CENPC: variants seen among roughly 807,000 people sequenced by gnomAD.
The protein encoded by CENPC is centromere protein C.
A neutral mutation model predicts 112.1 loss-of-function variants in CENPC; 63 were observed. That is an observed-to-expected ratio of 0.56 (90% CI 0.46 to 0.69). CENPC has a LOEUF of 0.69. CENPC is among the 30% of genes least tolerant of loss of function. The pLI is 0.00. For missense variants in CENPC, 1,000 were observed against 1,103.8 expected, an observed-to-expected ratio of 0.91 and a Z score of 1.33; for synonymous variants, 333 against 367.6, an observed-to-expected ratio of 0.91 and a Z score of 1.08.
At chr4:67,536,367 T>C (rs1560444320) in intron 4 of CENPC, among the ~76,000 whole-genome samples, 2 of 152,092 alleles carry the variant, frequency 1.3e-5, no homozygotes, top group African/African-American at 4.8e-5. Context: ...TGATCCAAAT[T>C]TGAAGAAACA....
At chr4:67,480,354 C>T (rs1724919786) in intron 17 of CENPC, among the ~76,000 whole-genome samples, 1 of 152,070 alleles carries the variant, frequency 6.6e-6, no homozygotes, top group African/African-American at 2.4e-5. Flanking sequence ...AAAAAAATTC[C>T]AGGACCAGAT....
chr4:67,510,744 G>A (rs1212408673), intron 9 of CENPC: 36 of 308,072 alleles, frequency 1.2e-4, no homozygotes, highest in South Asian at 7.0e-4. Flanking sequence ...AGTGTCACAC[G>A]TACGACAGGC....
At chr4:67,483,048 T>C (rs1185683807) in intron 17 of CENPC, among the ~76,000 whole-genome samples, 2 of 152,142 alleles carry the variant, frequency 1.3e-5, no homozygotes, top group Non-Finnish European at 2.9e-5. Context: ...TCCCCCTCGC[T>C]TGGCAATTCT....
chr4:67,531,566 C>T (rs1726550370), intron 4 of CENPC, among the ~76,000 whole-genome samples: 1 of 152,190 alleles, frequency 6.6e-6, no homozygotes, highest in Non-Finnish European at 1.5e-5. Flanking sequence ...TGAACATCTG[C>T]TTTCTTTCCT....
At chr4:67,476,951 T>G (rs1724821345) in intron 17 of CENPC, among the ~76,000 whole-genome samples, 1 of 152,158 alleles carries the variant, frequency 6.6e-6, no homozygotes, top group Non-Finnish European at 1.5e-5. Flanking sequence ...ATAATCCCCT[T>G]GGGAACATAA....
intron 9 of CENPC, among the ~76,000 whole-genome samples, chr4:67,511,572 C>T (rs528890495): frequency 3.3e-5 from 5 of 152,124 alleles, no homozygotes; most frequent in East Asian, 1.9e-4. Context: ...GGATTGTTCC[C>T]GTCATTTCCT....
intron 4 of CENPC, 62 bp from the exon 5 acceptor site, chr4:67,530,976 T>TA: frequency 1.3e-6 from 1 of 798,242 alleles, no homozygotes; most frequent in Non-Finnish European, 1.9e-6. Context: ...CAATGAAATA[T>TA]ATTTGTTTTT....
rs527977396 is a variant in CENPC at position 67,508,069 on chromosome 4, A to G, written c.1904+745T>C. ...AGAATTCATTAAAAGTATCTAGCAA[A>G]TATTTGGCACATAGTATGAACTCAA... On this transcript the variant is annotated intron_variant, in intron 10 of 18. Coordinates refer to ENST00000273853, the MANE Select transcript of CENPC (RefSeq NM_001812.4). 2.3e-4 allele frequency among the ~76,000 whole-genome samples: 35 copies of G among 152,276 alleles called. 1 individual carries two copies. The South Asian group carries it at 7.3e-3, about 32-fold the overall frequency.
intron 5 of CENPC, among the ~76,000 whole-genome samples, chr4:67,526,338 AT>A (rs199626486): frequency 0.014 from 2,086 of 152,164 alleles, 53 homozygotes; most frequent in African/African-American, 0.047. Context: ...AGTAAAAAAA[AT>A]ATTTAAAAAA....
At chr4:67,505,127 T>C (rs767708043) in intron 12 of CENPC, 78 bp downstream of exon 12, 6 of 1,012,570 alleles carry the variant, frequency 5.9e-6, no homozygotes, top group Non-Finnish European at 7.4e-6. Flanking sequence ...TCAGTGACAA[T>C]GTAAACAAAA....
At chr4:67,492,756 G>C (rs956542785) in intron 15 of CENPC, 113 bp downstream of exon 15, 2 of 1,350,222 alleles carry the variant, frequency 1.5e-6, no homozygotes, top group African/African-American at 3.0e-5. Context: ...TTTACCTATG[G>C]TATTATTTCT....
chr4:67,490,655 T>G (rs1725214527), intron 16 of CENPC, among the ~76,000 whole-genome samples: 1 of 151,544 alleles, frequency 6.6e-6, no homozygotes, highest in African/African-American at 2.4e-5. Flanking sequence ...AGGTAAAGTT[T>G]GTGAGAAAGC....
rs962454155 is a variant in CENPC, at chr4:67,516,101, C to G, written c.831-1414G>C. ...ATTAATTCTTAAATTTTCATAAAAG[C>G]ATGTACATGTTAAGAACATACAAAG... is the stretch of plus-strand genomic sequence containing the variant. On this transcript the variant is annotated intron_variant, in intron 7 of 18. Coordinates refer to ENST00000273853, the MANE Select transcript of CENPC (RefSeq NM_001812.4). Among the ~76,000 whole-genome samples the G allele has an allele frequency of 1.9e-4, 29 of 151,968 alleles. 1 individual carries two copies. The highest frequency in any genetic ancestry group is 7.0e-4 in the African/African-American group (29 of 41,242).
rs540479188 is a variant in CENPC, at chr4:67,497,789, A to C, written c.2132-2577T>G. Among the ~76,000 whole-genome samples, 733 of 80,540 alleles carry C rather than the reference A, an allele frequency of 9.1e-3. 2 individuals are homozygous for C. Among genetic ancestry groups the C allele is most frequent in the Middle Eastern group, 0.034 (4 of 118 alleles). 52.8% of individuals were successfully genotyped at this position (80,540 alleles called of 152,430 possible). A position where few individuals can be genotyped will look rare whatever the true frequency, so the allele number is the denominator to read the frequency against. ...CTCAAGTGACCGGCCTCGCCTCCCA[A>C]AGTGTTGGGTGGCTCCCAAAGTGAG... is the stretch of plus-strand genomic sequence containing the variant. On this transcript the variant is annotated intron_variant, in intron 12 of 18. Transcript: ENST00000273853.
chr4:67,502,145 A>C (rs1163418486), intron 12 of CENPC, among the ~76,000 whole-genome samples: 1 of 152,126 alleles, frequency 6.6e-6, no homozygotes, highest in Non-Finnish European at 1.5e-5. Context: ...TCATGACTCA[A>C]GATTATGTTC....
intron 9 of CENPC, among the ~76,000 whole-genome samples, chr4:67,511,731 C>G (rs1725897515): frequency 6.6e-6 from 1 of 152,116 alleles, no homozygotes; most frequent in Non-Finnish European, 1.5e-5. Flanking sequence ...ATCTTGGGCA[C>G]TAAGTCTCTA....
At chr4:67,480,358 AC>A (rs1724919959) in intron 17 of CENPC, among the ~76,000 whole-genome samples, 1 of 152,172 alleles carries the variant, frequency 6.6e-6, no homozygotes, top group Admixed American at 6.5e-5. Context: ...AAATTCCAGG[AC>A]CAGATGGATT....
At chr4:67,489,342 C>T (rs764627620) in intron 17 of CENPC, among the ~76,000 whole-genome samples, 11 of 151,856 alleles carry the variant, frequency 7.2e-5, no homozygotes, top group Non-Finnish European at 1.5e-4. Flanking sequence ...CCTTGAATCT[C>T]ATTACAACTT....
At chr4:67,480,740 C>T (rs1369339322) in intron 17 of CENPC, among the ~76,000 whole-genome samples, 2 of 152,148 alleles carry the variant, frequency 1.3e-5, no homozygotes, top group South Asian at 2.1e-4. Flanking sequence ...TGCCAAAATC[C>T]GGCATTGCTT....
Sources: allele counts gnomAD v4.1 joint callset (sites outside exome capture counted in the v4.1 genomes callset), GRCh38; gene constraint gnomAD v4.1.1; transcripts MANE v1.5; gene names NCBI Gene and HGNC (gene_info 2026-07-23, HGNC 2026-07-21).